IGSF21: variants seen among roughly 807,000 people sequenced by gnomAD.
The protein encoded by IGSF21 is immunoglobulin superfamily member 21.
Under a neutral mutation model 46.8 loss-of-function variants are expected in IGSF21, and 28 were observed. That is an observed-to-expected ratio of 0.60 (90% CI 0.44 to 0.82). The LOEUF is 0.82. IGSF21 is among the 40% of genes least tolerant of loss of function. IGSF21 has a pLI of 0.00. For missense variants in IGSF21, 624 were observed against 665.5 expected (o/e 0.94, Z 0.69); for synonymous variants, 284 against 273.6 (o/e 1.04, Z -0.38).
At chr1:18,234,058 G>T (rs1048830401) in intron 2 of IGSF21, among the ~76,000 whole-genome samples, 4 of 152,180 alleles carry the variant, frequency 2.6e-5, no homozygotes, top group African/African-American at 4.8e-5. Context: ...GACCAAGAGA[G>T]ACCAGCACCA....
Position 18,265,621 on chromosome 1 carries a change from C to T in IGSF21, c.184-26245C>T, listed in dbSNP as rs181766250. On this transcript the variant is annotated intron_variant, in intron 2 of 9. Transcript: ENST00000251296. ...CTGCCCACCTGCCCCTACACCAGTC[C>T]GGTTTCCAGGCCAACTCCTGTGCCC... Among the ~76,000 whole-genome samples, 10 of 152,286 alleles carry T rather than the reference C, an allele frequency of 6.6e-5. No homozygotes were observed. The South Asian group carries it at 1.2e-3, about 19-fold the overall frequency.
At chr1:18,169,959 A>G (rs1459598387) in intron 1 of IGSF21, among the ~76,000 whole-genome samples, 1 of 152,094 alleles carries the variant, frequency 6.6e-6, no homozygotes, top group Non-Finnish European at 1.5e-5. Flanking sequence ...AGTTCAACAG[A>G]GCAGCGGTGC....
intron 2 of IGSF21, among the ~76,000 whole-genome samples, chr1:18,239,462 C>A (rs1228792207): frequency 6.6e-6 from 1 of 152,120 alleles, no homozygotes; most frequent in African/African-American, 2.4e-5. Context: ...CTGCCCCACA[C>A]TTCGCAAGAG....
intron 3 of IGSF21, among the ~76,000 whole-genome samples, chr1:18,324,452 G>A (rs1264479130): frequency 2.6e-5 from 4 of 152,160 alleles, no homozygotes; most frequent in Non-Finnish European, 2.9e-5. Flanking sequence ...CGCCTGCAGG[G>A]GGCGGTCATG....
chr1:18,376,472 G>A (rs1195983234), intron 7 of IGSF21, 77 bp downstream of exon 7: 69 of 1,048,898 alleles, frequency 6.6e-5, no homozygotes, highest in Non-Finnish European at 8.4e-5. Context: ...ATTCCTGGCA[G>A]TCCTCTCTAA....
intron 4 of IGSF21, among the ~76,000 whole-genome samples, chr1:18,347,887 A>C (rs1326809434): frequency 6.6e-6 from 1 of 152,184 alleles, no homozygotes; most frequent in African/African-American, 2.4e-5. Flanking sequence ...ATTTGTGAGC[A>C]CCTACTGTGC....
intron 6 of IGSF21, among the ~76,000 whole-genome samples, chr1:18,373,954 C>T (rs558611424): frequency 4.1e-4 from 62 of 152,286 alleles, no homozygotes; most frequent in Non-Finnish European, 7.8e-4. Context: ...GGCCCAGGCC[C>T]GGGCCTGAAG....
chr1:18,280,588 A>G (rs1194500959), intron 2 of IGSF21, among the ~76,000 whole-genome samples: 2 of 152,196 alleles, frequency 1.3e-5, no homozygotes, highest in Non-Finnish European at 2.9e-5. Context: ...TCCACCCTAG[A>G]TGGTGGTGCT....
intron 1 of IGSF21, among the ~76,000 whole-genome samples, chr1:18,189,342 T>C (rs1490994360): frequency 6.6e-6 from 1 of 152,156 alleles, no homozygotes; most frequent in African/African-American, 2.4e-5. Context: ...GAGCTGGACA[T>C]TGTGCTGGGC....
At chr1:18,154,066 A>G (rs536026954) in intron 1 of IGSF21, among the ~76,000 whole-genome samples, 13 of 152,338 alleles carry the variant, frequency 8.5e-5, no homozygotes, top group Admixed American at 8.5e-4. Context: ...CTGGCATCCC[A>G]GGAGCCACGG....
intron 1 of IGSF21, among the ~76,000 whole-genome samples, chr1:18,196,463 A>G (rs1458559001): frequency 6.6e-6 from 1 of 152,182 alleles, no homozygotes; most frequent in Non-Finnish European, 1.5e-5. Flanking sequence ...CCAAGAGCTC[A>G]ACAACCAACA....
chr1:18,233,796 G>A (rs1199885487), intron 2 of IGSF21, among the ~76,000 whole-genome samples: 1 of 152,092 alleles, frequency 6.6e-6, no homozygotes, highest in Admixed American at 6.5e-5. Context: ...GGTTATGCTG[G>A]TGAACTCACT....
At chr1:18,174,253 G>A (rs1364383038) in intron 1 of IGSF21, among the ~76,000 whole-genome samples, 1 of 152,116 alleles carries the variant, frequency 6.6e-6, no homozygotes, top group Non-Finnish European at 1.5e-5. Context: ...TCTCCAGAGA[G>A]CTTGCACCCC....
intron 3 of IGSF21, among the ~76,000 whole-genome samples, chr1:18,323,122 G>GTAAT (rs768408527): frequency 1.1e-4 from 17 of 152,180 alleles, no homozygotes; most frequent in Non-Finnish European, 2.2e-4. Context: ...TTTTCTTGGG[G>GTAAT]TAATTCAACA....
At chr1:18,292,154 G>A (rs1301944759) in intron 3 of IGSF21, among the ~76,000 whole-genome samples, 167 bp downstream of exon 3, 2 of 152,218 alleles carry the variant, frequency 1.3e-5, no homozygotes, top group Non-Finnish European at 2.9e-5. Context: ...TCCCTGGAGG[G>A]ACATCCCCTG....
intron 1 of IGSF21, among the ~76,000 whole-genome samples, chr1:18,168,207 G>A (rs1311939953): frequency 6.6e-6 from 1 of 152,130 alleles, no homozygotes; most frequent in Non-Finnish European, 1.5e-5. Context: ...TGCTCACCAA[G>A]GAAGAGCATC....
intron 1 of IGSF21, among the ~76,000 whole-genome samples, chr1:18,164,703 T>A (rs2086660795): frequency 6.6e-6 from 1 of 151,992 alleles, no homozygotes; most frequent in Non-Finnish European, 1.5e-5. Flanking sequence ...TTTGCCCATA[T>A]TTGTTCCTTT....
chr1:18,142,385 G>A (rs192427981), intron 1 of IGSF21, among the ~76,000 whole-genome samples: 112 of 152,272 alleles, frequency 7.4e-4, no homozygotes, highest in African/African-American at 2.4e-3. Flanking sequence ...CTGACTCAAC[G>A]CCCTGGCTTG....
In IGSF21 at chr1:18,325,446, G is replaced by C. The variant is rs191950526; in HGVS notation, c.306-9446G>C. Among the ~76,000 whole-genome samples the C allele has an allele frequency of 1.4e-3, 220 of 152,192 alleles. 1 individual carries two copies. The highest frequency in any genetic ancestry group is 5.1e-3 in the African/African-American group (213 of 41,512). ...GGACTGAGGCCCTGAGTCTTCGAGCGGGCTTGTCTGACCAGCAGCAGCGGT... is the reference window on the plus strand; with the variant it reads ...GGACTGAGGCCCTGAGTCTTCGAGCCGGCTTGTCTGACCAGCAGCAGCGGT... On this transcript the variant is annotated intron_variant, in intron 3 of 9. Coordinates refer to ENST00000251296, the MANE Select transcript of IGSF21 (RefSeq NM_032880.5).
Sources: gnomAD v4.1 joint callset for allele counts (sites outside exome capture counted in the v4.1 genomes callset) on GRCh38, gnomAD v4.1.1 for gene constraint, MANE v1.5 for transcripts, NCBI Gene and HGNC (gene_info 2026-07-23, HGNC 2026-07-21) for gene names.